The following ANKLE2 variants were observed in gnomAD, a reference collection of about 807,000 sequenced individuals.
ANKLE2 encodes ankyrin repeat and LEM domain containing 2.
Under a neutral mutation model 84.2 loss-of-function variants are expected in ANKLE2, and 55 were observed. That is an observed-to-expected ratio of 0.65 (90% CI 0.53 to 0.82). The LOEUF (loss-of-function observed/expected upper bound fraction) is 0.82. ANKLE2 is among the 40% of genes least tolerant of loss of function. The pLI is 0.00. For missense variants in ANKLE2, 1,238 were observed against 1,201.9 expected (o/e 1.03, Z -0.44); for synonymous variants, 551 against 486.1 (o/e 1.13, Z -1.76).
At position 132,748,124 on chromosome 12, in the gene ANKLE2, C is replaced by A; in HGVS notation, c.1041+14G>T. The A allele has an allele frequency of 1.9e-6, 3 of 1,610,598 alleles. No homozygotes were observed. Among genetic ancestry groups the A allele is most frequent in the Non-Finnish European group, 2.5e-6 (3 of 1,177,466 alleles). ...GGGACCGCACACCTGCCCGAGGGAA[C>A]CGCCGAGACCTACCTGCACGATAGT... On this transcript the variant is annotated intron_variant, in intron 4 of 12. Coordinates refer to ENST00000357997, the MANE Select transcript of ANKLE2 (RefSeq NM_015114.3).
Position 132,734,571 on chromosome 12 carries a change from G to A in ANKLE2, c.1705C>T (p.Leu569=), listed in dbSNP as rs760547614. Residue 569 remains leucine, a synonymous_variant, in exon 10 of 13, where the codon CTA becomes TTA. Transcript: ENST00000357997. ...ERGFERVGRE[L]AHELGYPWVE... ...CAGGGATACCCCAGCTCATGAGCTA[G>A]CTCCCTGTAAGAAACAAAACACAAT... 2.2e-5 allele frequency: 36 copies of A among 1,606,036 alleles called. No homozygotes were observed. In the South Asian group the frequency reaches 3.9e-4, roughly 17 times the overall value.
At chr12:132,733,641 G>A in intron 10 of ANKLE2, among the ~76,000 whole-genome samples, 1 of 150,332 alleles carries the variant, frequency 6.7e-6, no homozygotes, top group South Asian at 2.1e-4. Context: ...TCTGCGTCCT[G>A]GTGTCTGAAA....
Position 132,741,611 on chromosome 12 carries a change from TA to T in ANKLE2, c.1354-127del, listed in dbSNP as rs2044124615. ...TAGTATCTTAATGCTAAAGATTTAATAAAGCTCACACTCAGAAAACGTGTGA... is the reference window on the plus strand; with the variant it reads ...TAGTATCTTAATGCTAAAGATTTAATAAGCTCACACTCAGAAAACGTGTGA... On this transcript the variant is annotated intron_variant, in intron 6 of 12. Coordinates refer to ENST00000357997, the MANE Select transcript of ANKLE2 (RefSeq NM_015114.3). The T allele has an allele frequency of 5.4e-6, 5 of 919,976 alleles. No homozygotes were observed. The South Asian group carries it at 7.7e-5, about 14-fold the overall frequency. The allele number at this position is 919,976 out of a possible 1,614,324, so 57.0% of individuals were successfully genotyped here. A position where few individuals can be genotyped will look rare whatever the true frequency, so the allele number is the denominator to read the frequency against.
At chr12:132,755,469 C>A in intron 1 of ANKLE2, 10 of 185,310 alleles carry the variant, frequency 5.4e-5, no homozygotes, top group South Asian at 2.5e-4. Flanking sequence ...CGCTTGAACC[C>A]AGGAGGCGGA....
At chr12:132,736,826 G>A in intron 8 of ANKLE2, 67 bp downstream of exon 8, 2 of 1,505,422 alleles carry the variant, frequency 1.3e-6, no homozygotes, top group Non-Finnish European at 1.8e-6. Flanking sequence ...GCAACAGGCT[G>A]GAACACCCAG....
intron 3 of ANKLE2, among the ~76,000 whole-genome samples, chr12:132,750,439 G>C (rs987313983): frequency 1.3e-5 from 2 of 152,032 alleles, no homozygotes; most frequent in African/African-American, 4.8e-5. Flanking sequence ...GATGGAAGCG[G>C]CCACAGCGTT....
At position 132,730,106 on chromosome 12, in the gene ANKLE2, T is replaced by C. The variant is rs1177367274; in HGVS notation, c.2056A>G (p.Ile686Val). 1 of 1,612,520 alleles carries C rather than the reference T, an allele frequency of 6.2e-7. No individual in the cohort carries two copies. The highest frequency in any genetic ancestry group is 8.5e-7 in the Non-Finnish European group (1 of 1,179,686). The change falls in exon 11 of 13, where the codon ATA (isoleucine) becomes GTA (valine). Residue 686 changes from isoleucine (I) to valine (V), a missense_variant. This residue lies in a region of ANKLE2 where 802 missense variants were observed against 774.5 expected (regional missense o/e 1.04). Transcript: ENST00000357997. ...GGACCTCCCGGCTCGGCGGCTTCTA[T>C]GAGGTCTGCCTCCTGCTCCAAGGGG... ...AFPLEQEADL[I>V]EAAEPGGPHS...
At chr12:132,739,964 T>C (rs1284680314) in intron 7 of ANKLE2, among the ~76,000 whole-genome samples, 1 of 152,214 alleles carries the variant, frequency 6.6e-6, no homozygotes, top group Non-Finnish European at 1.5e-5. Flanking sequence ...GGGCAGATCT[T>C]AGAGGCGACA....
chr12:132,746,440 C>A (rs2044241479), intron 5 of ANKLE2, among the ~76,000 whole-genome samples: 1 of 151,740 alleles, frequency 6.6e-6, no homozygotes, highest in Non-Finnish European at 1.5e-5. Flanking sequence ...TGACCTCCTC[C>A]TTCCCTAACT....
intron 6 of ANKLE2, 106 bp from the exon 7 acceptor site, chr12:132,741,591 T>G: frequency 1.9e-6 from 2 of 1,051,148 alleles, no homozygotes; most frequent in Non-Finnish European, 2.9e-6. Context: ...TAGAATAGTA[T>G]CTTAATGCTA....
chr12:132,754,943 C>A lies in ANKLE2; in HGVS notation c.372G>T (p.Glu124Asp). The change falls in exon 2 of 13, where the codon GAG (glutamate) becomes GAT (aspartate). Residue 124 changes from glutamate to aspartate, a missense_variant. This residue lies in a region of ANKLE2 where 422 missense variants were observed against 394.5 expected (regional missense o/e 1.07). Coordinates refer to ENST00000357997, the MANE Select transcript of ANKLE2 (RefSeq NM_015114.3). ...GGRLSSFYHH[E>D]AGVTALSQDP... Reference sequence around the variant, plus strand: ...CCTGGCTGAGAGCTGTGACACCTGCCTCATGGTGGTAGAAAGAAGACAGCC... The same window carrying A: ...CCTGGCTGAGAGCTGTGACACCTGCATCATGGTGGTAGAAAGAAGACAGCC... The A allele has an allele frequency of 6.2e-7, 1 of 1,614,206 alleles. No homozygotes were observed. Among genetic ancestry groups the A allele is most frequent in the Non-Finnish European group, 8.5e-7 (1 of 1,180,046 alleles).
chr12:132,742,940 A>G (rs984475301), intron 6 of ANKLE2, among the ~76,000 whole-genome samples: 1 of 152,016 alleles, frequency 6.6e-6, no homozygotes, highest in Non-Finnish European at 1.5e-5. Context: ...AAAATCAGCA[A>G]ACTGCGTCAG....
chr12:132,734,073 TAAA>T (rs372085055), intron 10 of ANKLE2: 118 of 443,064 alleles, frequency 2.7e-4, no homozygotes, highest in Admixed American at 3.8e-4. Context: ...GCATCTCCAC[TAAA>T]AAAAAAAAAA....
At chr12:132,740,447 G>A (rs2044098084) in intron 7 of ANKLE2, among the ~76,000 whole-genome samples, 1 of 152,172 alleles carries the variant, frequency 6.6e-6, no homozygotes, top group Non-Finnish European at 1.5e-5. Flanking sequence ...GCAAATGGTG[G>A]TGACAGCTTT....
At chr12:132,757,183 T>C (rs2044506227) in intron 1 of ANKLE2, 1 of 152,178 alleles carries the variant, frequency 6.6e-6, no homozygotes. Flanking sequence ...GTTTTCACAA[T>C]GGTATAGGTT....
intron 3 of ANKLE2, among the ~76,000 whole-genome samples, chr12:132,748,578 T>C (rs1017518359): frequency 9.2e-5 from 14 of 151,952 alleles, no homozygotes; most frequent in Admixed American, 2.0e-4. Flanking sequence ...ACAATCTCAC[T>C]GGGGGCCCCA....
chr12:132,727,061 C>A lies in ANKLE2; in HGVS notation c.*181G>T, dbSNP rs952813830. On this transcript the variant is annotated 3_prime_UTR_variant, in exon 13 of 13. Transcript: ENST00000357997. The stretch of plus-strand genomic sequence containing the variant: ...GTTTGCTTTCATTAACTTCTAACTT[C>A]TTCCAAAATATCAGAAATCTAAGTG... 3 of 672,952 alleles carry A rather than the reference C, an allele frequency of 4.5e-6. No individual in the cohort carries two copies. Among genetic ancestry groups the A allele is most frequent in the Admixed American group, 3.5e-5 (1 of 28,642 alleles). The allele number at this position is 672,952 out of a possible 1,614,324, so 41.7% of individuals were successfully genotyped here.
intron 2 of ANKLE2, among the ~76,000 whole-genome samples, chr12:132,752,156 C>T (rs1468605252): frequency 1.5e-5 from 2 of 137,470 alleles, no homozygotes; most frequent in African/African-American, 2.5e-5. Context: ...GCCTGACCAA[C>T]GTGGAGAAAC....
chr12:132,727,408 G>C lies in ANKLE2; in HGVS notation c.2651C>G (p.Ser884Cys), dbSNP rs2136097240. The C allele has an allele frequency of 1.9e-6, 3 of 1,560,954 alleles. No homozygotes were observed. Among genetic ancestry groups the C allele is most frequent in the African/African-American group, 1.4e-5 (1 of 73,940 alleles). ...AGGGCCACTGAGATCTGGCAGCTGA[G>C]ACTTGAACCTTCCTTTCACCGCGGG... ...PSPAVKGRFKSQLPDLSGPHS... is the reference protein window; with the variant it reads ...PSPAVKGRFKCQLPDLSGPHS... The change falls in exon 13 of 13, where the codon TCT becomes TGT. Residue 884 changes from serine (S) to cysteine (C), a missense_variant. By Grantham distance (112) the Ser-to-Cys change is moderately radical. Around this residue, in one of 3 missense-constraint regions of ANKLE2, gnomAD observed 802 missense variants for 774.5 expected, o/e 1.04. Transcript: ENST00000357997.
Sources: gnomAD v4.1 joint callset for allele counts (sites outside exome capture counted in the v4.1 genomes callset) on GRCh38, gnomAD v4.1.1 for gene constraint, gnomAD v4.1.1 regional missense constraint, MANE v1.5 for transcripts, NCBI Gene and HGNC (gene_info 2026-07-23, HGNC 2026-07-21) for gene names.